Variants in CPAMD8 observed in about 807,000 individuals in gnomAD.
CPAMD8 encodes the protein C3 and PZP like alpha-2-macroglobulin domain containing 8, also known as C3 and PZP-like alpha-2-macroglobulin domain-containing protein 8.
Under a neutral mutation model 224.7 loss-of-function variants are expected in CPAMD8, and 146 were observed. The observed-to-expected ratio is 0.65, with a 90% CI of 0.57 to 0.75. The LOEUF is 0.75. Among genes scored for constraint, CPAMD8 ranks in the 30% least tolerant of loss-of-function variants. CPAMD8 has a pLI of 0.00. For synonymous variants in CPAMD8, 966 were observed against 1,044.6 expected (o/e 0.92, Z 1.45); for missense variants, 2,301 against 2,537.5 (o/e 0.91, Z 2.00).
rs1295406412 is a variant in CPAMD8, at chr19:17,015,122, G to T, written c.268-3365C>A. 2.0e-5 allele frequency among the ~76,000 whole-genome samples: 3 copies of T among 152,200 alleles called. No homozygotes were observed. In the East Asian group the frequency reaches 5.8e-4, roughly 29 times the overall value. On this transcript the variant is annotated intron_variant, in intron 3 of 41. Coordinates refer to ENST00000443236, the MANE Select transcript of CPAMD8 (RefSeq NM_015692.5). ...CCAGGTGTGATGGCAGGCGCCTATA[G>T]TCCCAGCGACTCAGGAGGCTGAGGC...
At chr19:16,950,348 A>G (rs779484014) in intron 20 of CPAMD8, among the ~76,000 whole-genome samples, 3 of 152,124 alleles carry the variant, frequency 2.0e-5, no homozygotes, top group Non-Finnish European at 4.4e-5. Context: ...TTGTCAGTCC[A>G]GCACCAGCTG....
At chr19:16,999,713 T>C (rs1166868696) in intron 10 of CPAMD8, among the ~76,000 whole-genome samples, 1 of 152,228 alleles carries the variant, frequency 6.6e-6, no homozygotes, top group East Asian at 1.9e-4. Context: ...GGGATCTCAC[T>C]ATGTTGCCCA....
Position 16,945,604 on chromosome 19 carries a change from G to A in CPAMD8, c.2738C>T (p.Ala913Val). ...RSSKHPEENHADRRVPIGVDH... is the reference protein window; with the variant it reads ...RSSKHPEENHVDRRVPIGVDH... ...CACCCCGATGGGGACCCTCCTGTCG[G>A]CGTGATTCTCCTCAGGGTGTTTGCT... Residue 913 changes from alanine to valine, a missense_variant, in exon 22 of 42, where the codon GCC (alanine) becomes GTC (valine). This residue lies in a region of CPAMD8 where 1,709 missense variants were observed against 1,753.2 expected (regional missense o/e 0.97). Transcript: ENST00000443236. 1.2e-6 allele frequency: 2 copies of A among 1,614,168 alleles called. No individual in the cohort carries two copies. The highest frequency in any genetic ancestry group is 1.1e-5 in the South Asian group (1 of 91,084).
chr19:17,005,842 G>A (rs1004825137), intron 7 of CPAMD8, among the ~76,000 whole-genome samples: 2 of 152,122 alleles, frequency 1.3e-5, no homozygotes, highest in Non-Finnish European at 1.5e-5. Context: ...CAGGACATTC[G>A]GGGATGTGTG....
In CPAMD8 at chr19:16,897,539, A is replaced by C. The variant is rs532674029; in HGVS notation, c.5065+152T>G. The C allele has an allele frequency of 1.8e-5, 10 of 566,240 alleles. No individual in the cohort carries two copies. The East Asian group carries it at 2.5e-4, about 14-fold the overall frequency. The allele number at this position is 566,240 out of a possible 1,614,324, so 35.1% of individuals were successfully genotyped here. Reference sequence around the variant, plus strand: ...CCAGCCCCGCCTCCCCCGTACAGGCAGAGCGCCCGCCCACCTCTATGCTGC... The same window carrying C: ...CCAGCCCCGCCTCCCCCGTACAGGCCGAGCGCCCGCCCACCTCTATGCTGC... On this transcript the variant is annotated intron_variant, in intron 39 of 41. Transcript: ENST00000443236.
At position 16,921,304 on chromosome 19, in the gene CPAMD8, G is replaced by A. The variant is rs367900155; in HGVS notation, c.3629+601C>T. Among the ~76,000 whole-genome samples the A allele has an allele frequency of 1.1e-3, 166 of 152,230 alleles. 3 individuals carry two copies. Among genetic ancestry groups the A allele is most frequent in the African/African-American group, 3.8e-3 (158 of 41,516 alleles). The stretch of plus-strand genomic sequence containing the variant: ...CGGCACTACCAGGGTGGCAATCTCC[G>A]AGAAGGAGTCCGGCGATGGGTACAG... On this transcript the variant is annotated intron_variant, in intron 27 of 41. Coordinates refer to ENST00000443236, the MANE Select transcript of CPAMD8 (RefSeq NM_015692.5).
At chr19:17,016,882 TAGGG>T (rs1397922342) in intron 3 of CPAMD8, among the ~76,000 whole-genome samples, 1 of 150,600 alleles carries the variant, frequency 6.6e-6, no homozygotes, top group Non-Finnish European at 1.5e-5. Flanking sequence ...AAGGGAGTTC[TAGGG>T]TCTTTTTTTT....
intron 27 of CPAMD8, 103 bp from the exon 28 acceptor site, chr19:16,914,916 T>C (rs1355547796): frequency 1.3e-6 from 1 of 782,910 alleles, no homozygotes; most frequent in African/African-American, 1.8e-5. Context: ...CCGGCCTCCA[T>C]TTCCTCATCT....
intron 18 of CPAMD8, among the ~76,000 whole-genome samples, chr19:16,970,359 G>A (rs889673059): frequency 1.1e-4 from 16 of 152,052 alleles, no homozygotes; most frequent in Non-Finnish European, 5.9e-5. Context: ...GGCTGCGGCA[G>A]GCAAATCACT....
intron 22 of CPAMD8, among the ~76,000 whole-genome samples, chr19:16,940,804 G>C (rs1007628154): frequency 1.1e-4 from 17 of 152,268 alleles, no homozygotes; most frequent in Non-Finnish European, 2.5e-4. Context: ...CTAAGCTAGG[G>C]GGCACCAGGG....
chr19:16,912,134 TGTA>T (rs1319512178), intron 29 of CPAMD8, among the ~76,000 whole-genome samples: 1 of 152,136 alleles, frequency 6.6e-6, no homozygotes, highest in Non-Finnish European at 1.5e-5. Context: ...TATATTATAA[TGTA>T]ATAATAATAG....
rs1348701130 is a variant in CPAMD8, at chr19:16,970,877, G to A, written c.2213+14C>T. ...CCAGGGTTAGAAAACCTTGCTCAAT[G>A]TATAAGCCGTTACCTGGGGGGGTGC... On this transcript the variant is annotated intron_variant, in intron 18 of 41. Transcript: ENST00000443236. The A allele has an allele frequency of 1.2e-6, 2 of 1,612,670 alleles. No individual in the cohort carries two copies. The highest frequency in any genetic ancestry group is 1.7e-6 in the Non-Finnish European group (2 of 1,179,388).
intron 14 of CPAMD8, among the ~76,000 whole-genome samples, chr19:16,979,542 T>TCATCCATCTATCCACCTATCCATCCATC (rs2055427797): frequency 2.1e-5 from 3 of 143,840 alleles, no homozygotes; most frequent in Non-Finnish European, 4.5e-5. Context: ...CTCTGTCCAT[T>TCATCCATCTATCCACCTATCCATCCATC]CATCCATCTA....
At chr19:16,914,189 C>T (rs1332120512) in intron 29 of CPAMD8, among the ~76,000 whole-genome samples, 4 of 152,092 alleles carry the variant, frequency 2.6e-5, no homozygotes, top group East Asian at 1.9e-4. Flanking sequence ...ACCTCCCCAG[C>T]CCCCAACATG....
intron 18 of CPAMD8, among the ~76,000 whole-genome samples, chr19:16,962,627 T>C (rs1233097060): frequency 2.0e-5 from 3 of 152,140 alleles, no homozygotes; most frequent in African/African-American, 7.2e-5. Flanking sequence ...TGCAGGATAT[T>C]ATCCAGGAGA....
At chr19:16,994,995 T>C (rs1223144380) in intron 11 of CPAMD8, among the ~76,000 whole-genome samples, 3 of 152,100 alleles carry the variant, frequency 2.0e-5, no homozygotes, top group Non-Finnish European at 4.4e-5. Context: ...ATGCAGATGG[T>C]AGGTATTTTC....
At chr19:16,953,166 C>T (rs544987520) in intron 19 of CPAMD8, among the ~76,000 whole-genome samples, 4 of 152,164 alleles carry the variant, frequency 2.6e-5, no homozygotes, top group African/African-American at 9.6e-5. Context: ...CATCCATATG[C>T]AAAAGAATGA....
At chr19:16,995,032 A>G (rs548494110) in intron 11 of CPAMD8, among the ~76,000 whole-genome samples, 1 of 152,242 alleles carries the variant, frequency 6.6e-6, no homozygotes, top group South Asian at 2.1e-4. Flanking sequence ...CTCTTTACCA[A>G]ATTTGTAGCC....
intron 18 of CPAMD8, among the ~76,000 whole-genome samples, chr19:16,966,120 C>T (rs2054820174): frequency 6.6e-6 from 1 of 152,202 alleles, no homozygotes; most frequent in Non-Finnish European, 1.5e-5. Context: ...ACCAAAACAG[C>T]ATGGTACTGG....
Sources: gnomAD v4.1 joint callset for allele counts (sites outside exome capture counted in the v4.1 genomes callset) on GRCh38, gnomAD v4.1.1 for gene constraint, gnomAD v4.1.1 regional missense constraint, MANE v1.5 for transcripts, NCBI Gene and HGNC (gene_info 2026-07-23, HGNC 2026-07-21) for gene names.